The following BRD7 variants were observed in gnomAD, a reference collection of about 807,000 sequenced individuals.
BRD7 encodes bromodomain containing 7, also known as bromodomain-containing protein 7.
Under a neutral mutation model 82.1 loss-of-function variants are expected in BRD7, and 15 were observed. That is an observed-to-expected ratio of 0.18 (90% confidence interval 0.12 to 0.28). The LOEUF is 0.28. Among genes scored for constraint, BRD7 ranks in the 10% least tolerant of loss-of-function variants. The pLI is 1.00. For synonymous variants in BRD7, 232 were observed against 266.9 expected, an observed-to-expected ratio of 0.87 and a Z score of 1.27; for missense variants, 638 against 779.9, an observed-to-expected ratio of 0.82 and a Z score of 2.17.
rs143609232 is a variant in BRD7 at position 50,359,715 on chromosome 16, A to G, written c.259-4793T>C. Among the ~76,000 whole-genome samples, 738 of 152,330 alleles carry G rather than the reference A, an allele frequency of 4.8e-3. 6 individuals carry two copies. The highest frequency in any genetic ancestry group is 0.019 in the South Asian group (93 of 4,828). ...CCCATTCCCACTGCTTCACTTGACTAGTCTTAAAAACAACAACAAAACAGA... is the reference window on the plus strand; with the variant it reads ...CCCATTCCCACTGCTTCACTTGACTGGTCTTAAAAACAACAACAAAACAGA... On this transcript the variant is annotated intron_variant, in intron 2 of 16. Coordinates refer to ENST00000394688, the MANE Select transcript of BRD7 (RefSeq NM_013263.5).
At position 50,319,964 on chromosome 16, in the gene BRD7, G is replaced by A. The variant is rs755068621; in HGVS notation, c.1823C>T (p.Thr608Met). The A allele has an allele frequency of 1.4e-5, 22 of 1,613,234 alleles. No homozygotes were observed. Among genetic ancestry groups the A allele is most frequent in the South Asian group, 3.3e-5 (3 of 91,034 alleles). ...CCCCATTGCTTTTCGAACTCCATAC[G>A]TGCTTACGATATCACCTGGAGTTAC... ...QQVTPGDIVS[T>M]YGVRKAMGIS... Residue 608 changes from threonine to methionine, a missense_variant, in exon 16 of 17, where the codon ACG (threonine) becomes ATG (methionine). Physicochemically the swap from Thr to Met is moderately conservative, Grantham distance 81. This residue lies in a region of BRD7 where 402 missense variants were observed against 500.8 expected (regional missense o/e 0.80). Transcript: ENST00000394688.
Position 50,346,872 on chromosome 16 carries a change from T to C in BRD7, c.591+3151A>G, listed in dbSNP as rs189828083. 9.2e-4 allele frequency among the ~76,000 whole-genome samples: 140 copies of C among 152,236 alleles called. 1 individual carries two copies. In the East Asian group the frequency reaches 0.024, roughly 26 times the overall value. On this transcript the variant is annotated intron_variant, in intron 5 of 16. Transcript: ENST00000394688. ...ACTATTCCTTCTGAAACTATTCCAA[T>C]CAATAGAAAAAGAGGGAATCCTCCC...
At chr16:50,368,051 G>A in intron 2 of BRD7, 39 bp downstream of exon 2, 2 of 1,598,922 alleles carry the variant, frequency 1.3e-6, no homozygotes. Context: ...GGAAGAGGCA[G>A]TGCCGTCCGC....
chr16:50,364,224 C>G (rs1548913), intron 2 of BRD7, among the ~76,000 whole-genome samples: 150,735 of 152,302 alleles, frequency 0.99, 74,613 homozygotes, highest in Middle Eastern at 1. Flanking sequence ...CCATCCAGCT[C>G]CATGGAACTG....
chr16:50,357,771 G>A (rs1483519983), intron 2 of BRD7, among the ~76,000 whole-genome samples: 1 of 151,896 alleles, frequency 6.6e-6, no homozygotes, highest in African/African-American at 2.4e-5. Flanking sequence ...ACTTGAGGCC[G>A]GGAGTTTGAG....
At chr16:50,334,998 G>C in intron 6 of BRD7, 103 bp from the exon 7 acceptor site, 1 of 1,156,378 alleles carries the variant, frequency 8.6e-7, no homozygotes, top group Non-Finnish European at 1.2e-6. Flanking sequence ...TCATTAACCA[G>C]GGAAGAAAAA....
intron 5 of BRD7, among the ~76,000 whole-genome samples, chr16:50,348,796 T>A (rs1468046613): frequency 6.6e-6 from 1 of 152,192 alleles, no homozygotes; most frequent in East Asian, 1.9e-4. Context: ...GGAACACTTT[T>A]ACACTGTTGG....
In BRD7 at chr16:50,318,317, T is replaced by C. The variant is rs949020970; in HGVS notation, c.*894A>G. 1 of 152,236 alleles carries C rather than the reference T, an allele frequency of 6.6e-6. No homozygotes were observed. Among genetic ancestry groups the C allele is most frequent in the Admixed American group, 6.5e-5 (1 of 15,284 alleles). 9.4% of individuals were successfully genotyped at this position (152,236 alleles called of 1,614,324 possible). ...TTAATTTTCAAAGTCAGGAAAATAA[T>C]AGAAATCAAATGGCTTCCTGCCTGG... On this transcript the variant is annotated 3_prime_UTR_variant, in exon 17 of 17. Transcript: ENST00000394688.
At chr16:50,356,723 A>AAT (rs1555471454) in intron 2 of BRD7, among the ~76,000 whole-genome samples, 102 of 144,132 alleles carry the variant, frequency 7.1e-4, no homozygotes, top group African/African-American at 1.8e-3. Flanking sequence ...GGAAAAAAAA[A>AAT]ATATATATAT....
intron 12 of BRD7, among the ~76,000 whole-genome samples, chr16:50,323,360 C>T (rs1183602222): frequency 6.6e-6 from 1 of 152,166 alleles, no homozygotes; most frequent in East Asian, 1.9e-4. Context: ...GTCCTACATT[C>T]CCAAGATGAG....
chr16:50,328,589 G>T, intron 9 of BRD7, 80 bp downstream of exon 9: 1 of 1,225,842 alleles, frequency 8.2e-7, no homozygotes, highest in East Asian at 2.4e-5. Flanking sequence ...ATTCAAGCTT[G>T]TTGCTTTAAA....
At chr16:50,357,207 T>C (rs1449675415) in intron 2 of BRD7, among the ~76,000 whole-genome samples, 2 of 152,198 alleles carry the variant, frequency 1.3e-5, no homozygotes, top group East Asian at 1.9e-4. Flanking sequence ...GAATTTGTAC[T>C]TTCTAACAAG....
In BRD7 at chr16:50,320,378, G is replaced by T. The variant is rs1433885986; in HGVS notation, c.1626C>A (p.Phe542Leu). The change falls in exon 15 of 17, where the codon TTC (phenylalanine) becomes TTA (leucine). Residue 542 changes from phenylalanine to leucine, a missense_variant. Physicochemically the swap from Phe to Leu is conservative, Grantham distance 22. Around this residue, in one of 3 missense-constraint regions of BRD7, gnomAD observed 402 missense variants for 500.8 expected, o/e 0.80. Coordinates refer to ENST00000394688, the MANE Select transcript of BRD7 (RefSeq NM_013263.5). ...EVFDSEEAEI[F>L]QKKLDETTRL... is the part of the protein sequence containing the mutation. ...TGGTGGTCTCATCAAGTTTCTTCTG[G>T]AATATTTCAGCTTCTGTGTGGTAAG... is the stretch of plus-strand genomic sequence containing the variant. 1 of 1,613,388 alleles carries T rather than the reference G, an allele frequency of 6.2e-7. No individual in the cohort carries two copies. The highest frequency in any genetic ancestry group is 2.2e-5 in the East Asian group (1 of 44,870).
chr16:50,364,963 C>T (rs1402230062), intron 2 of BRD7, among the ~76,000 whole-genome samples: 4 of 152,098 alleles, frequency 2.6e-5, no homozygotes, highest in South Asian at 2.1e-4. Flanking sequence ...ACAAAGAGCA[C>T]GTAAGAGACA....
intron 1 of BRD7, 196 bp from the exon 2 acceptor site, chr16:50,368,494 C>G (rs1054200014): frequency 6.6e-6 from 5 of 754,174 alleles, no homozygotes; most frequent in Non-Finnish European, 1.0e-5. Context: ...CCAGGCCTCC[C>G]GGGCCCGCCT....
intron 12 of BRD7, among the ~76,000 whole-genome samples, chr16:50,322,392 T>C (rs1307326338): frequency 6.6e-6 from 1 of 152,230 alleles, no homozygotes; most frequent in Non-Finnish European, 1.5e-5. Context: ...TTACTGTGCA[T>C]GAACACAGCA....
intron 2 of BRD7, among the ~76,000 whole-genome samples, chr16:50,367,399 T>C (rs2039189473): frequency 6.6e-6 from 1 of 152,154 alleles, no homozygotes; most frequent in African/African-American, 2.4e-5. Flanking sequence ...TTTTGTAGTT[T>C]ATTTTGCAGA....
intron 6 of BRD7, among the ~76,000 whole-genome samples, chr16:50,335,837 T>C (rs1025034697): frequency 1.3e-5 from 2 of 152,230 alleles, no homozygotes; most frequent in East Asian, 1.9e-4. Context: ...GCTCTATTAG[T>C]AGTGCAGATG....
Position 50,325,880 on chromosome 16 carries a change from A to G in BRD7, c.1199T>C (p.Leu400Ser), listed in dbSNP as rs1357536792. 1 of 1,586,388 alleles carries G rather than the reference A, an allele frequency of 6.3e-7. No homozygotes were observed. The highest frequency in any genetic ancestry group is 8.5e-7 in the Non-Finnish European group (1 of 1,173,006). ...ACTGTAGGGCCCATAATTCAAATAT[A>G]ACACTGTTGAAAAAATCAAATACTG... ...EDKRNKVTPV[L>S]YLNYGPYSSY... The change falls in exon 11 of 17, where the codon TTA becomes TCA. Residue 400 changes from leucine (L) to serine (S), a missense_variant. Around this residue, in one of 3 missense-constraint regions of BRD7, gnomAD observed 402 missense variants for 500.8 expected, o/e 0.80. Transcript: ENST00000394688.
Sources: allele counts gnomAD v4.1 joint callset (sites outside exome capture counted in the v4.1 genomes callset), GRCh38; gene constraint gnomAD v4.1.1; regional missense constraint gnomAD v4.1.1; transcripts MANE v1.5; gene names NCBI Gene and HGNC (gene_info 2026-07-23, HGNC 2026-07-21).